Variants in GRAMD4 observed in about 807,000 individuals in gnomAD.
The protein encoded by GRAMD4 is GRAM domain containing 4, also known as GRAM domain-containing protein 4.
In GRAMD4, 25 loss-of-function variants were observed where a neutral mutation model predicts 83.9. That is an observed-to-expected ratio of 0.30 (90% CI 0.22 to 0.42). The LOEUF (loss-of-function observed/expected upper bound fraction) is 0.42. Ranked by LOEUF, GRAMD4 falls within the 10% of genes least tolerant of loss-of-function variation. The pLI, the probability that GRAMD4 is intolerant of heterozygous loss-of-function variation, is 1.00. For synonymous variants in GRAMD4, 336 were observed against 320.9 expected (o/e 1.05, Z -0.50); for missense variants, 593 against 788.7 (o/e 0.75, Z 2.97).
intron 3 of GRAMD4, among the ~76,000 whole-genome samples, chr22:46,638,646 C>CA (rs1207977686): frequency 1.3e-5 from 2 of 152,224 alleles, no homozygotes; most frequent in African/African-American, 4.8e-5. Context: ...TAGTAAGAGG[C>CA]CACTTACCAG....
At chr22:46,626,998 G>GTGTC (rs754598012) in intron 2 of GRAMD4, 37 bp downstream of exon 2, 2 of 1,488,266 alleles carry the variant, frequency 1.3e-6, no homozygotes, top group Non-Finnish European at 1.9e-6. Flanking sequence ...GTGGGCTGGG[G>GTGTC]TGTCGTCCCC....
chr22:46,615,233 T>C (rs144201319), intron 1 of GRAMD4, among the ~76,000 whole-genome samples: 9 of 7,698 alleles, frequency 1.2e-3, no homozygotes, highest in East Asian at 0.071. Flanking sequence ...GTAGGTTCCC[T>C]TGTGCATGTA....
chr22:46,617,816 T>G (rs1486979762), upstream of GRAMD4, among the ~76,000 whole-genome samples: 1 of 152,106 alleles, frequency 6.6e-6, no homozygotes. Flanking sequence ...AAGGCTCAGC[T>G]CCCCACATGG....
rs962482158 is a variant in GRAMD4 at position 46,644,719 on chromosome 22, T to G, written c.283+6759T>G. Among the ~76,000 whole-genome samples, 512 of 120,502 alleles carry G rather than the reference T, an allele frequency of 4.2e-3. 15 individuals are homozygous for G. Among genetic ancestry groups the G allele is most frequent in the Middle Eastern group, 0.013 (3 of 236 alleles). 79.1% of individuals were successfully genotyped at this position (120,502 alleles called of 152,430 possible). A position where few individuals can be genotyped will look rare whatever the true frequency, so the allele number is the denominator to read the frequency against. ...CCTGTTTTTTTTTTTTTTTTTTTTTTTTTTTTTTTTTTTTTACTTTGTTTT... is the reference window on the plus strand; with the variant it reads ...CCTGTTTTTTTTTTTTTTTTTTTTTGTTTTTTTTTTTTTTTACTTTGTTTT... On this transcript the variant is annotated intron_variant, in intron 3 of 18. Transcript: ENST00000406902.
chr22:46,662,937 C>A, intron 5 of GRAMD4, 103 bp from the exon 6 acceptor site: 1 of 1,088,606 alleles, frequency 9.2e-7, no homozygotes, highest in Non-Finnish European at 1.3e-6. Context: ...CTGCTGGCCG[C>A]GCCCTTGCAG....
Position 46,659,962 on chromosome 22 carries a change from CCAGG to C in GRAMD4, c.405-1416_405-1413del. ...GAGATCCCAGGGACAGGTGCGGTCC[CCAGG>C]CATTTGGCCACAGTGCCATCCCCGC... On this transcript the variant is annotated intron_variant, in intron 4 of 18. Transcript: ENST00000406902. This position sits in a 1 kb window ranked among gnomAD's most constrained non-coding sequence, Gnocchi z 4.1. 6.6e-6 allele frequency among the ~76,000 whole-genome samples: 1 copy of C among 152,322 alleles called. No homozygotes were observed. Among genetic ancestry groups the C allele is most frequent in the Non-Finnish European group, 1.5e-5 (1 of 68,022 alleles).
intron 2 of GRAMD4, among the ~76,000 whole-genome samples, chr22:46,633,149 C>A (rs1244818054): frequency 6.6e-6 from 1 of 152,208 alleles, no homozygotes; most frequent in Admixed American, 6.5e-5. Context: ...CTGTTTTCCC[C>A]AGGCCTCCCC....
intron 2 of GRAMD4, among the ~76,000 whole-genome samples, chr22:46,629,287 C>T (rs968710070): frequency 2.0e-5 from 3 of 152,110 alleles, no homozygotes; most frequent in African/African-American, 4.8e-5. Flanking sequence ...ACGGCAGTCT[C>T]GTCCACCCCC....
At chr22:46,663,891 C>G in intron 7 of GRAMD4, 28 bp downstream of exon 7, 1 of 1,612,134 alleles carries the variant, frequency 6.2e-7, no homozygotes, top group Non-Finnish European at 8.5e-7. Flanking sequence ...TGCGTGGCGC[C>G]CACGATGCTC....
rs1405111026 is a variant in GRAMD4, at chr22:46,595,136, A to G, written c.-50+17846A>G. Among the ~76,000 whole-genome samples the G allele has an allele frequency of 2.0e-5, 3 of 152,044 alleles. No individual in the cohort carries two copies. In the East Asian group the frequency reaches 5.8e-4, roughly 29 times the overall value. Reference sequence around the variant, plus strand: ...GGGGGAGAGTGTGCCTTTCCCCTGGAGACACACAGGGTGGGGGAAGTGAAG... The same window carrying G: ...GGGGGAGAGTGTGCCTTTCCCCTGGGGACACACAGGGTGGGGGAAGTGAAG... On this transcript the variant is annotated intron_variant, in intron 1 of 1. Transcript: ENST00000431155.
chr22:46,650,514 C>G (rs544706369), intron 3 of GRAMD4, among the ~76,000 whole-genome samples: 6 of 152,214 alleles, frequency 3.9e-5, no homozygotes, highest in Admixed American at 3.3e-4. Context: ...TCTCCTTTGC[C>G]TCCCCTCAAA....
At chr22:46,645,001 C>T (rs5769053) in intron 3 of GRAMD4, among the ~76,000 whole-genome samples, 82,699 of 147,392 alleles carry the variant, frequency 0.56, 23,621 homozygotes, top group Non-Finnish European at 0.63. Flanking sequence ...CCATCCGCCT[C>T]GGCCTCTCAA....
At chr22:46,651,731 C>T (rs191561051) in intron 3 of GRAMD4, among the ~76,000 whole-genome samples, 6 of 152,332 alleles carry the variant, frequency 3.9e-5, no homozygotes, top group African/African-American at 1.2e-4. Flanking sequence ...CTCCTCCATC[C>T]GTGCTGTTCA....
chr22:46,612,961 G>A (rs73461301), intron 1 of GRAMD4, among the ~76,000 whole-genome samples: 1,562 of 152,300 alleles, frequency 0.01, 28 homozygotes, highest in African/African-American at 0.036. Flanking sequence ...TGCCCCACCC[G>A]TGGACTTTGG....
intron 1 of GRAMD4, among the ~76,000 whole-genome samples, chr22:46,608,203 CCAGCCTG>C: frequency 6.6e-6 from 1 of 152,314 alleles, no homozygotes; most frequent in Middle Eastern, 3.4e-3. Flanking sequence ...GCAAGCCTGT[CCAGCCTG>C]CAGCCTGCAG....
intron 16 of GRAMD4, 151 bp from the exon 17 acceptor site, chr22:46,675,317 G>A (rs568638086): frequency 1.9e-5 from 13 of 690,798 alleles, no homozygotes; most frequent in African/African-American, 3.5e-5. Context: ...AGCAGTGGCC[G>A]TGAGTGTTTC....
chr22:46,648,694 G>T (rs1358227595), intron 3 of GRAMD4, among the ~76,000 whole-genome samples: 1 of 150,000 alleles, frequency 6.7e-6, no homozygotes. Flanking sequence ...ATTGATGGAT[G>T]GATGCATGGA....
rs1274183036 is a variant in GRAMD4 at position 46,672,305 on chromosome 22, G to A, written c.1085-538G>A. 6.6e-6 allele frequency among the ~76,000 whole-genome samples: 1 copy of A among 152,056 alleles called. No individual in the cohort carries two copies. The highest frequency in any genetic ancestry group is 1.5e-5 in the Non-Finnish European group (1 of 67,992). On this transcript the variant is annotated intron_variant, in intron 13 of 18. Transcript: ENST00000406902. The surrounding 1 kb of genome is among the most constrained non-coding windows in gnomAD (Gnocchi z 4.7). ...ACGGAGCTGGTGGAGGGGAACTTGCGAGGGCGTGGCTGGGAGCCGTCTGAG... is the reference window on the plus strand; with the variant it reads ...ACGGAGCTGGTGGAGGGGAACTTGCAAGGGCGTGGCTGGGAGCCGTCTGAG...
At chr22:46,626,693 C>G in intron 1 of GRAMD4, 58 bp from the exon 2 acceptor site, 3 of 1,129,782 alleles carry the variant, frequency 2.7e-6, no homozygotes, top group Non-Finnish European at 3.9e-6. Context: ...TGTGTGGGAG[C>G]TGGCTCGTGG....
Sources: allele counts gnomAD v4.1 joint callset (sites outside exome capture counted in the v4.1 genomes callset), GRCh38; gene constraint gnomAD v4.1.1; non-coding constraint Gnocchi (gnomAD v3.1); transcripts MANE v1.5; gene names NCBI Gene and HGNC (gene_info 2026-07-23, HGNC 2026-07-21).